EBF3: variants seen among roughly 807,000 people sequenced by gnomAD.
EBF3 encodes EBF transcription factor 3, also known as transcription factor COE3.
A neutral mutation model predicts 77.1 loss-of-function variants in EBF3; 18 were observed. The ratio of observed to expected loss-of-function variants is 0.23; its 90% CI spans 0.16 to 0.35. The LOEUF is 0.35. EBF3 is among the 10% of genes least tolerant of loss of function. The probability of loss-of-function intolerance (pLI) is 1.00; values close to 1 mark genes in which losing one functional copy is unlikely to be tolerated. For synonymous variants in EBF3, 350 were observed against 343.5 expected (o/e 1.02, Z -0.21); for missense variants, 558 against 860.0 (o/e 0.65, Z 4.39).
rs1048807966 is a variant in EBF3 at position 129,848,994 on chromosome 10, A to G, written c.1040-514T>C. Among the ~76,000 whole-genome samples the G allele has an allele frequency of 3.9e-5, 6 of 152,248 alleles. No homozygotes were observed. The highest frequency in any genetic ancestry group is 1.4e-4 in the African/African-American group (6 of 41,468). On this transcript the variant is annotated intron_variant, in intron 10 of 16. Coordinates refer to ENST00000440978, the MANE Select transcript of EBF3 (RefSeq NM_001375380.1). This position sits in a 1 kb window ranked among gnomAD's most constrained non-coding sequence, Gnocchi z 4.4. ...TAATAATCTGTGAATGGCTGCCTAC[A>G]AACTGATGTAGGGCACTATCATTCT...
rs76118598 is a variant in EBF3 at position 129,878,741 on chromosome 10, T to G, written c.555-892A>C. Among the ~76,000 whole-genome samples the G allele has an allele frequency of 0.031, 4,244 of 136,036 alleles. 298 individuals are homozygous for G. The East Asian group carries it at 0.32, about 10-fold the overall frequency. 89.2% of individuals were successfully genotyped at this position (136,036 alleles called of 152,430 possible). A position where few individuals can be genotyped will look rare whatever the true frequency, so the allele number is the denominator to read the frequency against. On this transcript the variant is annotated intron_variant, in intron 6 of 16. Transcript: ENST00000440978. ...TTGGGGGGTGGGGCAGGAGAATCAC[T>G]TGAACCCAGGAGGTGGAGGTTGCAG...
intron 6 of EBF3, among the ~76,000 whole-genome samples, chr10:129,920,928 C>T (rs1049126659): frequency 8.6e-5 from 13 of 152,044 alleles, no homozygotes; most frequent in Non-Finnish European, 7.4e-5. Context: ...GTTTCCTCAT[C>T]CTCAAAATGG....
rs1167173831 is a variant in EBF3, at chr10:129,841,111, T to C, written c.1373-79A>G. ...TTGGGGGGGGTTCCCCGAGAATCTA[T>C]ATCATATATTAACATTGCTAATTGA... is the stretch of plus-strand genomic sequence containing the variant. On this transcript the variant is annotated intron_variant, in intron 13 of 16. Transcript: ENST00000440978. The surrounding 1 kb of genome is among the most constrained non-coding windows in gnomAD (Gnocchi z 4.6). 1.3e-6 allele frequency: 2 copies of C among 1,541,286 alleles called. No homozygotes were observed. Among genetic ancestry groups the C allele is most frequent in the Non-Finnish European group, 1.8e-6 (2 of 1,140,890 alleles).
intron 10 of EBF3, among the ~76,000 whole-genome samples, chr10:129,854,775 A>T (rs1337850331): frequency 6.6e-6 from 1 of 152,232 alleles, no homozygotes; most frequent in African/African-American, 2.4e-5. Flanking sequence ...TTAATTTCTC[A>T]ATAAATTTGG....
At chr10:129,859,341 C>A (rs1240849955) in intron 10 of EBF3, among the ~76,000 whole-genome samples, 2 of 152,286 alleles carry the variant, frequency 1.3e-5, no homozygotes, top group East Asian at 3.9e-4. Flanking sequence ...CCCGTCTCAG[C>A]CTCCCATGTA....
intron 6 of EBF3, among the ~76,000 whole-genome samples, chr10:129,891,828 G>A (rs896429483): frequency 6.6e-6 from 1 of 152,200 alleles, no homozygotes; most frequent in African/African-American, 2.4e-5. Flanking sequence ...CGGCGTCTCT[G>A]AGGCCCTGGT....
At chr10:129,901,169 C>T (rs919452311) in intron 6 of EBF3, among the ~76,000 whole-genome samples, 2 of 152,212 alleles carry the variant, frequency 1.3e-5, no homozygotes, top group Non-Finnish European at 2.9e-5. Flanking sequence ...GGCTGTGGCC[C>T]TCTTAGCTGG....
chr10:129,943,155 C>G lies in EBF3; in HGVS notation c.554+14103G>C, dbSNP rs994877164. ...CAACTTCCTCCACATAAACAAGGCC[C>G]GCCAGAGCCAGAGAGCTGCCAGGCA... On this transcript the variant is annotated intron_variant, in intron 6 of 16. Coordinates refer to ENST00000440978, the MANE Select transcript of EBF3 (RefSeq NM_001375380.1). The surrounding 1 kb of genome is among the most constrained non-coding windows in gnomAD (Gnocchi z 8.8). 6.6e-6 allele frequency among the ~76,000 whole-genome samples: 1 copy of G among 152,192 alleles called. No homozygotes were observed.
chr10:129,846,961 G>A lies in EBF3; in HGVS notation c.1128+1431C>T, dbSNP rs140394326. Among the ~76,000 whole-genome samples the A allele has an allele frequency of 1.5e-3, 223 of 151,974 alleles. 1 individual carries two copies. Among genetic ancestry groups the A allele is most frequent in the Admixed American group, 2.7e-3 (41 of 15,162 alleles). ...CCCTGGAGGGCTGGTAGGCTTCCCA[G>A]GGGTCCCATCCAGGCCCCCAGCCGC... On this transcript the variant is annotated intron_variant, in intron 11 of 16. Coordinates refer to ENST00000440978, the MANE Select transcript of EBF3 (RefSeq NM_001375380.1).
chr10:129,952,472 A>C lies in EBF3; in HGVS notation c.554+4786T>G, dbSNP rs1352776094. Among the ~76,000 whole-genome samples, 1 of 152,212 alleles carries C rather than the reference A, an allele frequency of 6.6e-6. No individual in the cohort carries two copies. The highest frequency in any genetic ancestry group is 2.4e-5 in the African/African-American group (1 of 41,452). ...TAAATGACATTAAAGAAGACAATGA[A>C]TTTAATTTTATTTAATGTCCCTTTT... On this transcript the variant is annotated intron_variant, in intron 6 of 16. Coordinates refer to ENST00000440978, the MANE Select transcript of EBF3 (RefSeq NM_001375380.1). This position sits in a 1 kb window ranked among gnomAD's most constrained non-coding sequence, Gnocchi z 4.7.
chr10:129,912,584 A>G (rs1426024442), intron 6 of EBF3, among the ~76,000 whole-genome samples: 4 of 152,122 alleles, frequency 2.6e-5, no homozygotes, highest in East Asian at 3.8e-4. Context: ...AGTGAGTGCT[A>G]TTTTCTGTTA....
chr10:129,893,074 T>C (rs2134204842), intron 6 of EBF3, among the ~76,000 whole-genome samples: 1 of 152,344 alleles, frequency 6.6e-6, no homozygotes, highest in Admixed American at 6.5e-5. Context: ...TCAATAGTCC[T>C]ATGACAATAA....
At chr10:129,942,843 T>A (rs1455486424) in intron 6 of EBF3, among the ~76,000 whole-genome samples, 1 of 152,156 alleles carries the variant, frequency 6.6e-6, no homozygotes, top group Admixed American at 6.5e-5. Context: ...CATACAAATC[T>A]AAATTGGGGT....
intron 6 of EBF3, among the ~76,000 whole-genome samples, chr10:129,901,944 C>T (rs775160180): frequency 2.0e-5 from 3 of 152,190 alleles, no homozygotes; most frequent in Non-Finnish European, 2.9e-5. Context: ...TTCCAGCTAA[C>T]GAACATTCCC....
chr10:129,859,060 A>G (rs1484233254), intron 10 of EBF3, among the ~76,000 whole-genome samples: 8 of 152,184 alleles, frequency 5.3e-5, no homozygotes, highest in Non-Finnish European at 1.0e-4. Context: ...TTCCTTGTGA[A>G]GTCAAGTTGC....
At chr10:129,890,185 C>T (rs751650013) in intron 6 of EBF3, among the ~76,000 whole-genome samples, 5 of 152,036 alleles carry the variant, frequency 3.3e-5, no homozygotes, top group Non-Finnish European at 7.4e-5. Context: ...AATCAAAATG[C>T]GAGTGGTGTC....
At chr10:129,940,924 T>C (rs1274044782) in intron 6 of EBF3, among the ~76,000 whole-genome samples, 1 of 152,088 alleles carries the variant, frequency 6.6e-6, no homozygotes, top group African/African-American at 2.4e-5. Flanking sequence ...TAAAACCAGG[T>C]AGGTCCCCGG....
intron 6 of EBF3, among the ~76,000 whole-genome samples, chr10:129,903,423 T>A (rs1008113416): frequency 6.6e-6 from 1 of 152,248 alleles, no homozygotes; most frequent in African/African-American, 2.4e-5. Flanking sequence ...TTTTTACCCA[T>A]GTAGCATTCC....
chr10:129,839,062 A>G, intron 16 of EBF3, 21 bp downstream of exon 16: 1 of 1,304,360 alleles, frequency 7.7e-7, no homozygotes, highest in African/African-American at 1.5e-5. Context: ...TGTGAAGACA[A>G]TGATTTCAAA....
Sources: allele counts gnomAD v4.1 joint callset (sites outside exome capture counted in the v4.1 genomes callset), GRCh38; gene constraint gnomAD v4.1.1; non-coding constraint Gnocchi (gnomAD v3.1); transcripts MANE v1.5; gene names NCBI Gene and HGNC (gene_info 2026-07-23, HGNC 2026-07-21).